Variants in CFAP54 observed in about 807,000 individuals in gnomAD.
CFAP54 encodes the protein cilia and flagella associated protein 54.
A neutral mutation model predicts 370.4 loss-of-function variants in CFAP54; 290 were observed. The ratio of observed to expected loss-of-function variants is 0.78; its 90% CI spans 0.71 to 0.86. CFAP54 has a LOEUF of 0.86. Ranked by LOEUF, CFAP54 falls within the 40% of genes least tolerant of loss-of-function variation. The probability of loss-of-function intolerance (pLI) is 0.00; values close to 1 mark genes in which losing one functional copy is unlikely to be tolerated. For missense variants in CFAP54, 3,399 were observed against 3,528.7 expected, an observed-to-expected ratio of 0.96 and a Z score of 0.93; for synonymous variants, 1,206 against 1,236.5, an observed-to-expected ratio of 0.98 and a Z score of 0.52.
chr12:96,759,573 A>C (rs964255848), intron 58 of CFAP54, among the ~76,000 whole-genome samples: 2 of 152,246 alleles, frequency 1.3e-5, no homozygotes, highest in African/African-American at 4.8e-5. Flanking sequence ...ACATATTCAG[A>C]CCATGGAAAT....
At chr12:96,514,081 G>GGC (rs1955204172) in intron 5 of CFAP54, among the ~76,000 whole-genome samples, 1 of 152,168 alleles carries the variant, frequency 6.6e-6, no homozygotes, top group African/African-American at 2.4e-5. Flanking sequence ...TAGTTTTCCA[G>GGC]TTATTGGAAT....
chr12:96,646,326 A>C (rs1956791240), intron 33 of CFAP54: 1 of 152,244 alleles, frequency 6.6e-6, no homozygotes, highest in Non-Finnish European at 1.5e-5. Context: ...ACATTTATGC[A>C]GCCAAAAGAC....
intron 32 of CFAP54, among the ~76,000 whole-genome samples, chr12:96,631,919 A>G (rs1221023650): frequency 6.6e-6 from 1 of 151,834 alleles, no homozygotes; most frequent in East Asian, 1.9e-4. Context: ...AGATACGAAC[A>G]TTTTAGCATT....
intron 17 of CFAP54, among the ~76,000 whole-genome samples, chr12:96,557,086 C>T (rs767465721): frequency 1.5e-4 from 23 of 152,062 alleles, no homozygotes; most frequent in African/African-American, 4.3e-4. Context: ...AGGTGTCAAC[C>T]GAGCTGTATT....
chr12:96,663,913 A>G lies in CFAP54; in HGVS notation c.5544A>G (p.Leu1848=), dbSNP rs1212112987. ...IEATSNCTDL[L]KMLISSEYSR... ...CAACAAGCAACTGCACAGATTTGCT[A>G]AAAATGCTTATCTCTTCAGGTCAGA... Residue 1848 remains leucine, a synonymous_variant, in exon 39 of 68, where the codon CTA becomes CTG. Coordinates refer to ENST00000524981, the MANE Select transcript of CFAP54 (RefSeq NM_001306084.2). 5 of 1,612,240 alleles carry G rather than the reference A, an allele frequency of 3.1e-6. No homozygotes were observed. Among genetic ancestry groups the G allele is most frequent in the Non-Finnish European group, 4.2e-6 (5 of 1,178,858 alleles).
At chr12:96,606,745 A>T (rs543856941) in intron 26 of CFAP54, among the ~76,000 whole-genome samples, 2 of 152,160 alleles carry the variant, frequency 1.3e-5, no homozygotes, top group Non-Finnish European at 2.9e-5. Context: ...CTTTTTATGG[A>T]ACCTCATTCA....
At chr12:96,756,075 A>C (rs1958254116) in intron 56 of CFAP54, among the ~76,000 whole-genome samples, 1 of 152,180 alleles carries the variant, frequency 6.6e-6, no homozygotes, top group African/African-American at 2.4e-5. Context: ...GGGAGGGCAG[A>C]TGTTTTCTAT....
intron 26 of CFAP54, among the ~76,000 whole-genome samples, chr12:96,614,098 G>A (rs754637579): frequency 1.4e-4 from 21 of 152,122 alleles, no homozygotes; most frequent in East Asian, 1.9e-4. Context: ...GATGAACATC[G>A]ATGTGAAAAT....
rs1203505929 is a variant in CFAP54, at chr12:96,626,879, A to G, written c.4043A>G (p.Asn1348Ser). The change falls in exon 30 of 68, where the codon AAT (asparagine) becomes AGT (serine). Residue 1348 changes from asparagine to serine, a missense_variant. Asn to Ser is a conservative substitution (Grantham distance 46). This residue lies in a region of CFAP54 where 2,796 missense variants were observed against 2,869.7 expected (regional missense o/e 0.97). Coordinates refer to ENST00000524981, the MANE Select transcript of CFAP54 (RefSeq NM_001306084.2). ...FFTQVMLKCMNEEKFHLMVEV... is the reference protein window; with the variant it reads ...FFTQVMLKCMSEEKFHLMVEV... ...ACACAAGTTATGCTAAAATGCATGA[A>G]TGAGGAAAAATTTCATCTTATGGTA... The G allele has an allele frequency of 1.4e-6, 2 of 1,432,720 alleles. No individual in the cohort carries two copies. Among genetic ancestry groups the G allele is most frequent in the Non-Finnish European group, 1.8e-6 (2 of 1,085,310 alleles). The allele number at this position is 1,432,720 out of a possible 1,614,324, so 88.8% of individuals were successfully genotyped here.
intron 43 of CFAP54, among the ~76,000 whole-genome samples, 180 bp downstream of exon 43, chr12:96,689,162 T>G (rs571692149): frequency 8.7e-4 from 132 of 152,240 alleles, no homozygotes; most frequent in Non-Finnish European, 1.3e-3. Flanking sequence ...ACCTTTAATT[T>G]TTTTTTTTCT....
rs200792029 is a variant in CFAP54 at position 96,840,622 on chromosome 12, C to T, written c.9171+11534C>T. On this transcript the variant is annotated intron_variant, in intron 66 of 67. Coordinates refer to ENST00000524981, the MANE Select transcript of CFAP54 (RefSeq NM_001306084.2). ...CAGACTTTCTTTCTTTTCTCTGTTTCTTTCTTTTTTTTTTTTTTTACAAAC... is the reference window on the plus strand; with the variant it reads ...CAGACTTTCTTTCTTTTCTCTGTTTTTTTCTTTTTTTTTTTTTTTACAAAC... 3.7e-3 allele frequency among the ~76,000 whole-genome samples: 247 copies of T among 67,004 alleles called. 22 individuals carry two copies. Among genetic ancestry groups the T allele is most frequent in the South Asian group, 0.022 (18 of 804 alleles). 44.0% of individuals were successfully genotyped at this position (67,004 alleles called of 152,430 possible). A position where few individuals can be genotyped will look rare whatever the true frequency, so the allele number is the denominator to read the frequency against.
chr12:96,684,664 C>T lies in CFAP54; in HGVS notation c.5733C>T (p.Ser1911=). The part of the protein sequence containing the change: ...LAQTQDVLQA[S]NQRSLKVQAL... ...AAAATATAGATGTTCTCCAAGCCAG[C>T]AATCAAAGAAGTCTTAAAGTTCAGG... The change falls in exon 41 of 68, where the codon AGC becomes AGT. Residue 1911 remains serine (S), a synonymous_variant. Transcript: ENST00000524981. The T allele has an allele frequency of 1.2e-6, 2 of 1,611,366 alleles. No individual in the cohort carries two copies. The highest frequency in any genetic ancestry group is 1.7e-6 in the Non-Finnish European group (2 of 1,178,802).
intron 19 of CFAP54, 37 bp downstream of exon 19, chr12:96,564,802 A>G: frequency 5.4e-6 from 3 of 554,614 alleles, no homozygotes. Flanking sequence ...ATCCTGACAT[A>G]AAATTTCTGT....
At chr12:96,771,440 C>G (rs1286395303) in intron 60 of CFAP54, among the ~76,000 whole-genome samples, 1 of 152,194 alleles carries the variant, frequency 6.6e-6, no homozygotes, top group Non-Finnish European at 1.5e-5. Flanking sequence ...TTCACGAGGT[C>G]AGGAGATGGA....
Position 96,630,383 on chromosome 12 carries a change from ATT to A in CFAP54, c.4216-161_4216-160del, listed in dbSNP as rs35864481. ...AACATGTAGATATTGTTATAATCAG[ATT>A]TTTTTTGTCTACAGGGGTACTTCTG... On this transcript the variant is annotated intron_variant, in intron 31 of 67. Coordinates refer to ENST00000524981, the MANE Select transcript of CFAP54 (RefSeq NM_001306084.2). Among the ~76,000 whole-genome samples the A allele has an allele frequency of 3.1e-3, 467 of 151,780 alleles. 3 individuals carry two copies. Among genetic ancestry groups the A allele is most frequent in the African/African-American group, 0.01 (427 of 41,432 alleles).
chr12:96,598,607 C>T (rs1057453536), intron 25 of CFAP54, 38 bp from the exon 26 acceptor site: 3 of 574,870 alleles, frequency 5.2e-6, no homozygotes, highest in South Asian at 4.6e-5. Flanking sequence ...GTAAGGATGA[C>T]ATTTTAAAAC....
chr12:96,607,822 T>C (rs1235278988), intron 26 of CFAP54, among the ~76,000 whole-genome samples: 1 of 151,770 alleles, frequency 6.6e-6, no homozygotes, highest in Non-Finnish European at 1.5e-5. Flanking sequence ...TCAGTGATGC[T>C]AGAAGTTAAA....
At chr12:96,633,657 T>C (rs936550128) in intron 32 of CFAP54, among the ~76,000 whole-genome samples, 5 of 152,224 alleles carry the variant, frequency 3.3e-5, no homozygotes, top group African/African-American at 9.6e-5. Context: ...AAATCTTCCA[T>C]AGTTTATTAC....
intron 39 of CFAP54, among the ~76,000 whole-genome samples, chr12:96,668,708 C>G (rs887916206): frequency 3.3e-5 from 5 of 152,112 alleles, no homozygotes; most frequent in African/African-American, 1.2e-4. Flanking sequence ...AGGAATGATG[C>G]AATAGAATGA....
Sources: allele counts gnomAD v4.1 joint callset (sites outside exome capture counted in the v4.1 genomes callset), GRCh38; gene constraint gnomAD v4.1.1; regional missense constraint gnomAD v4.1.1; transcripts MANE v1.5; gene names NCBI Gene and HGNC (gene_info 2026-07-23, HGNC 2026-07-21).